The following CWC27 variants were observed in gnomAD, a reference collection of about 807,000 sequenced individuals.
CWC27 encodes the protein CWC27 spliceosome associated cyclophilin.
CWC27 carries 47 observed loss-of-function variants against 63.6 expected under a neutral mutation model. The ratio of observed to expected loss-of-function variants is 0.74; its 90% CI spans 0.58 to 0.94. CWC27 has a LOEUF of 0.94. Among genes scored for constraint, CWC27 ranks in the 40% least tolerant of loss-of-function variants. The pLI, the probability that CWC27 is intolerant of heterozygous loss-of-function variation, is 0.00. For missense variants in CWC27, 495 were observed against 554.3 expected (o/e 0.89, Z 1.07); for synonymous variants, 175 against 179.8 (o/e 0.97, Z 0.22).
intron 5 of CWC27, 139 bp downstream of exon 5, chr5:64,785,718 G>T: frequency 2.0e-6 from 1 of 506,174 alleles, no homozygotes; most frequent in South Asian, 3.6e-5. Flanking sequence ...AATTTATTTG[G>T]GCACCGTTTC....
At chr5:64,809,499 C>G (rs569587695) in intron 10 of CWC27, among the ~76,000 whole-genome samples, 2 of 152,290 alleles carry the variant, frequency 1.3e-5, no homozygotes, top group African/African-American at 4.8e-5. Context: ...TCCTAAGTAG[C>G]TGGGACTACA....
intron 11 of CWC27, among the ~76,000 whole-genome samples, chr5:64,950,726 A>C (rs1191519188): frequency 6.6e-6 from 1 of 152,006 alleles, no homozygotes; most frequent in Non-Finnish European, 1.5e-5. Flanking sequence ...CCACCAGCAC[A>C]ATCAGGACAT....
At chr5:64,971,454 G>A (rs1749123538) in intron 11 of CWC27, among the ~76,000 whole-genome samples, 1 of 152,164 alleles carries the variant, frequency 6.6e-6, no homozygotes, top group African/African-American at 2.4e-5. Flanking sequence ...GGACATGTGA[G>A]AAGAACAATT....
At chr5:64,771,122 G>T (rs1743239646) in intron 1 of CWC27, among the ~76,000 whole-genome samples, 1 of 152,100 alleles carries the variant, frequency 6.6e-6, no homozygotes. Context: ...TAACATAAGG[G>T]CCCAAGTTTT....
chr5:64,972,739 G>A (rs1272249542), intron 12 of CWC27: 2 of 443,536 alleles, frequency 4.5e-6, no homozygotes, highest in Non-Finnish European at 9.0e-6. Flanking sequence ...TACTAAGGAT[G>A]ACTCATTCAT....
At chr5:64,924,785 G>C (rs1748073208) in intron 11 of CWC27, among the ~76,000 whole-genome samples, 1 of 152,212 alleles carries the variant, frequency 6.6e-6, no homozygotes, top group South Asian at 2.1e-4. Context: ...TTATGGACAA[G>C]AAAGATTCCA....
intron 10 of CWC27, among the ~76,000 whole-genome samples, chr5:64,878,118 T>C (rs76682181): frequency 0.018 from 2,668 of 152,006 alleles, 46 homozygotes; most frequent in African/African-American, 0.05. Flanking sequence ...ATGATGAAAC[T>C]GAGGCAAAGA....
chr5:64,895,392 A>G (rs1191415834), intron 11 of CWC27, among the ~76,000 whole-genome samples: 1 of 152,176 alleles, frequency 6.6e-6, no homozygotes, highest in African/African-American at 2.4e-5. Context: ...GTCACTTTCA[A>G]GTTTTGACAA....
chr5:64,929,900 A>T (rs1748204275), intron 11 of CWC27, among the ~76,000 whole-genome samples: 1 of 147,432 alleles, frequency 6.8e-6, no homozygotes, highest in Non-Finnish European at 1.5e-5. Context: ...CAAGTGTTTA[A>T]AAAAAAAAAA....
intron 11 of CWC27, among the ~76,000 whole-genome samples, chr5:64,932,542 T>C (rs1448892253): frequency 6.6e-6 from 1 of 152,176 alleles, no homozygotes; most frequent in African/African-American, 2.4e-5. Flanking sequence ...CTTGACATTG[T>C]TTAGAAGAAC....
chr5:64,885,050 A>G (rs931713484), intron 10 of CWC27, among the ~76,000 whole-genome samples: 1 of 152,174 alleles, frequency 6.6e-6, no homozygotes, highest in African/African-American at 2.4e-5. Flanking sequence ...GAATTCAACC[A>G]TTTTTGAAGC....
intron 13 of CWC27, among the ~76,000 whole-genome samples, chr5:64,987,894 G>A (rs994886245): frequency 1.3e-5 from 2 of 152,126 alleles, no homozygotes; most frequent in African/African-American, 2.4e-5. Context: ...ATTTGCATGA[G>A]TAGGTATAGA....
intron 10 of CWC27, among the ~76,000 whole-genome samples, chr5:64,859,947 C>T (rs1307093646): frequency 6.6e-6 from 1 of 152,032 alleles, no homozygotes; most frequent in Admixed American, 6.6e-5. Context: ...TAAAATATAA[C>T]AATAGTAACA....
At chr5:64,893,901 C>G (rs2112354784) in intron 11 of CWC27, among the ~76,000 whole-genome samples, 1 of 150,390 alleles carries the variant, frequency 6.6e-6, no homozygotes, top group South Asian at 2.1e-4. Flanking sequence ...AATCACAGTC[C>G]TGAAGGGATC....
intron 10 of CWC27, among the ~76,000 whole-genome samples, chr5:64,844,724 C>T (rs1745930856): frequency 6.6e-6 from 1 of 152,210 alleles, no homozygotes. Flanking sequence ...TAAGCCATTC[C>T]AGTGACTTTG....
intron 11 of CWC27, among the ~76,000 whole-genome samples, chr5:64,915,715 A>G (rs1385863710): frequency 6.6e-6 from 1 of 152,122 alleles, no homozygotes; most frequent in Non-Finnish European, 1.5e-5. Flanking sequence ...ACAGCTCCAA[A>G]AATAGCAACT....
At chr5:65,013,528 A>G (rs1561189232) in intron 13 of CWC27, among the ~76,000 whole-genome samples, 2 of 152,228 alleles carry the variant, frequency 1.3e-5, no homozygotes, top group Non-Finnish European at 2.9e-5. Context: ...AATGGGGAGA[A>G]TTGATGAAAG....
chr5:64,925,420 G>C (rs1301473778), intron 11 of CWC27, among the ~76,000 whole-genome samples: 1 of 152,168 alleles, frequency 6.6e-6, no homozygotes, highest in Non-Finnish European at 1.5e-5. Context: ...AACTCCTCAT[G>C]TCTTCCCAGA....
chr5:64,839,653 T>C (rs1438486373), intron 10 of CWC27, among the ~76,000 whole-genome samples: 1 of 152,184 alleles, frequency 6.6e-6, no homozygotes, highest in African/African-American at 2.4e-5. Flanking sequence ...TGGGCTGGAA[T>C]GTAGAGATCT....
Sources: gnomAD v4.1 joint callset for allele counts (sites outside exome capture counted in the v4.1 genomes callset) on GRCh38, gnomAD v4.1.1 for gene constraint, MANE v1.5 for transcripts, NCBI Gene and HGNC (gene_info 2026-07-23, HGNC 2026-07-21) for gene names.